The following BLTP1 variants were observed in gnomAD, a reference collection of about 807,000 sequenced individuals.
BLTP1 encodes bridge-like lipid transfer protein family member 1.
chr4:122,277,526 TC>T, the BLTP1 span: 1 of 952,410 alleles, frequency 1.0e-6, no homozygotes, highest in Non-Finnish European at 1.2e-6. Context: ...TATTTTAATC[TC>T]CCAGGAACTG....
chr4:122,255,265 C>T, the BLTP1 span: 1 of 1,601,148 alleles, frequency 6.2e-7, no homozygotes, highest in Non-Finnish European at 8.5e-7. Context: ...ATTACTCCAT[C>T]ATTGATGATG....
At chr4:122,359,521 A>G in the BLTP1 span, 23 of 1,590,560 alleles carry the variant, frequency 1.4e-5, no homozygotes, top group Non-Finnish European at 2.0e-5. Flanking sequence ...GTGATTTAAC[A>G]TAAATGTATC....
the BLTP1 span, chr4:122,299,712 G>A: frequency 7.4e-5 from 56 of 755,196 alleles, no homozygotes; most frequent in Non-Finnish European, 8.7e-5. Flanking sequence ...TGGGTTGGGG[G>A]GGTGATATTA....
At chr4:122,347,619 AAGTC>A in the BLTP1 span, 1 of 1,613,900 alleles carries the variant, frequency 6.2e-7, no homozygotes, top group East Asian at 2.2e-5. Context: ...GGGAGCAGCC[AAGTC>A]AGTCAGCCTC....
At chr4:122,338,811 T>G in the BLTP1 span, among the ~76,000 whole-genome samples, 1 of 152,188 alleles carries the variant, frequency 6.6e-6, no homozygotes, top group Non-Finnish European at 1.5e-5. Context: ...ACCTGTGGTG[T>G]TCAAGGGTCA....
chr4:122,255,423 G>A, the BLTP1 span: 1 of 593,592 alleles, frequency 1.7e-6, no homozygotes, highest in Non-Finnish European at 2.9e-6. Context: ...TTGGGAGGCT[G>A]AGGCGGTTGG....
chr4:122,308,617 C>G, the BLTP1 span, among the ~76,000 whole-genome samples: 1 of 152,034 alleles, frequency 6.6e-6, no homozygotes, highest in Non-Finnish European at 1.5e-5. Flanking sequence ...AATGAAACTT[C>G]AAAGCAGTGT....
chr4:122,352,590 C>T, the BLTP1 span, among the ~76,000 whole-genome samples: 1 of 152,082 alleles, frequency 6.6e-6, no homozygotes, highest in Admixed American at 6.5e-5. Flanking sequence ...GAACTCCTGA[C>T]CTCAAATGAT....
At chr4:122,250,757 A>G in the BLTP1 span, among the ~76,000 whole-genome samples, 2 of 152,192 alleles carry the variant, frequency 1.3e-5, no homozygotes, top group African/African-American at 2.4e-5. Context: ...TATAATTTCC[A>G]AAGTATATCA....
chr4:122,319,370 A>G, the BLTP1 span, among the ~76,000 whole-genome samples: 1 of 151,808 alleles, frequency 6.6e-6, no homozygotes, highest in African/African-American at 2.4e-5. Context: ...TCCTCTAAGC[A>G]CTGCTTTTGC....
At chr4:122,307,572 T>C in the BLTP1 span, 5 of 984,688 alleles carry the variant, frequency 5.1e-6, no homozygotes, top group African/African-American at 8.7e-5. Context: ...TAGCATTATG[T>C]ACCTTAAAGA....
the BLTP1 span, chr4:122,208,124 T>A: frequency 2.0e-6 from 2 of 981,412 alleles, no homozygotes; most frequent in African/African-American, 3.5e-5. Context: ...GTGGTTATAC[T>A]GGTAAAATTA....
At chr4:122,314,038 C>T in the BLTP1 span, 8 of 959,056 alleles carry the variant, frequency 8.3e-6, no homozygotes, top group East Asian at 1.1e-4. Context: ...CATAAAATTC[C>T]GGTTGCTATT....
the BLTP1 span, chr4:122,263,589 G>C: frequency 2.3e-5 from 37 of 1,601,924 alleles, no homozygotes; most frequent in Admixed American, 5.1e-5. Context: ...GGACACAATA[G>C]TCTTCCCACA....
chr4:122,320,404 G>A, the BLTP1 span, among the ~76,000 whole-genome samples: 13 of 152,182 alleles, frequency 8.5e-5, no homozygotes, highest in East Asian at 1.9e-4. Flanking sequence ...TCCTGCTTTC[G>A]ACTCTCAAAG....
chr4:122,344,676 G>C, the BLTP1 span: 1 of 1,147,500 alleles, frequency 8.7e-7, no homozygotes, highest in Non-Finnish European at 1.2e-6. Flanking sequence ...TCAGTGATAA[G>C]TTGATATAAA....
chr4:122,347,400 T>TA, the BLTP1 span: 13 of 1,357,248 alleles, frequency 9.6e-6, 1 homozygote, highest in South Asian at 1.5e-4. Flanking sequence ...AGCTGCTAAA[T>TA]AGAGAACTAG....
the BLTP1 span, among the ~76,000 whole-genome samples, chr4:122,182,385 G>T: frequency 2.6e-5 from 4 of 152,106 alleles, no homozygotes; most frequent in Non-Finnish European, 5.9e-5. Context: ...TGCCTGCCAG[G>T]TGTTCAGGGT....
the BLTP1 span, chr4:122,215,588 G>A: frequency 1.0e-6 from 1 of 984,950 alleles, no homozygotes; most frequent in Non-Finnish European, 1.2e-6. Flanking sequence ...TCTGCCTACT[G>A]CAAACTTTGT....
Sources: allele counts gnomAD v4.1 joint callset (sites outside exome capture counted in the v4.1 genomes callset), GRCh38; gene constraint gnomAD v4.1.1; transcripts MANE v1.5; gene names NCBI Gene and HGNC (gene_info 2026-07-23, HGNC 2026-07-21).